NBPF14: variants seen among roughly 807,000 people sequenced by gnomAD.
NBPF14 encodes the protein NBPF family member NBPF14.
NBPF14 carries 104 observed loss-of-function variants against 91.2 expected under a neutral mutation model. That is an observed-to-expected ratio of 1.14 (90% CI 0.97 to 1.34). The LOEUF (loss-of-function observed/expected upper bound fraction) is 1.34. Ranked by LOEUF, NBPF14 falls within the 40% of genes most tolerant of loss-of-function variation. The pLI, the probability that NBPF14 is intolerant of heterozygous loss-of-function variation, is 0.00. For missense variants in NBPF14, 908 were observed against 783.0 expected (o/e 1.16, Z -1.91); for synonymous variants, 294 against 303.8 (o/e 0.97, Z 0.34).
chr1:148,550,033 C>T (rs1370660393), intron 49 of NBPF14, among the ~76,000 whole-genome samples: 175 of 124,620 alleles, frequency 1.4e-3, no homozygotes, highest in African/African-American at 6.2e-3. Flanking sequence ...GGATTTTACA[C>T]GCTGAAATTA....
chr1:148,533,091 C>T (rs201098010), exon 71 of NBPF14: 121 of 936,666 alleles, frequency 1.3e-4, no homozygotes, highest in Admixed American at 2.1e-4. Flanking sequence ...ACGTAAAGGG[C>T]GAAGCTGATG....
chr1:148,595,168 A>C (rs2149591168), intron 2 of NBPF14, among the ~76,000 whole-genome samples: 1 of 146,774 alleles, frequency 6.8e-6, no homozygotes, highest in Non-Finnish European at 1.5e-5. Flanking sequence ...ACTGAATAAA[A>C]GTTCACTAGT....
rs1283502749 is a variant in NBPF14, at chr1:148,534,761, G to C, written c.8537C>G (p.Pro2846Arg). The C allele has an allele frequency of 5.9e-3, 4,850 of 821,938 alleles. 43 individuals are homozygous for C. Among genetic ancestry groups the C allele is most frequent in the Non-Finnish European group, 8.1e-3 (3,794 of 466,696 alleles). 50.9% of individuals were successfully genotyped at this position (821,938 alleles called of 1,614,324 possible). A position where few individuals can be genotyped will look rare whatever the true frequency, so the allele number is the denominator to read the frequency against. ...ACTGCTGTAGGGCTGGCCTAAGTCAGGCAGTTCAAGATAACCTGAAGGAGT... is the reference window on the plus strand; with the variant it reads ...ACTGCTGTAGGGCTGGCCTAAGTCACGCAGTTCAAGATAACCTGAAGGAGT... The change falls in exon 69 of 71, where the codon CCT becomes CGT. Residue 2846 changes from proline to arginine, a missense_variant. This residue lies in a region of NBPF14 where 279 missense variants were observed against 107.7 expected (regional missense o/e 2.59). Transcript: ENST00000619423.
intron 16 of NBPF14, 110 bp from the exon 17 acceptor site, chr1:148,575,921 G>A: frequency 2.6e-6 from 1 of 384,770 alleles, no homozygotes; most frequent in Non-Finnish European, 4.6e-6. Flanking sequence ...AAAAAGGACA[G>A]ATCCATTAAT....
intron 36 of NBPF14, among the ~76,000 whole-genome samples, chr1:148,560,273 T>G (rs1657586155): frequency 1.4e-5 from 2 of 145,266 alleles, no homozygotes; most frequent in African/African-American, 5.4e-5. Flanking sequence ...AGTGCCCTCA[T>G]GACACACAGC....
chr1:148,588,277 C>A (rs1241003671), intron 7 of NBPF14, among the ~76,000 whole-genome samples: 5 of 116,260 alleles, frequency 4.3e-5, no homozygotes, highest in African/African-American at 9.5e-5. Flanking sequence ...CTCTGTGCCC[C>A]AGGAAGCAGG....
chr1:148,594,923 G>C (rs1272411820), intron 2 of NBPF14, among the ~76,000 whole-genome samples: 2 of 111,536 alleles, frequency 1.8e-5, no homozygotes, highest in South Asian at 3.3e-4. Context: ...GTCTCAAACT[G>C]CTGACCTCGT....
chr1:148,560,015 A>G (rs1657443461), intron 36 of NBPF14, 50 bp from the exon 37 acceptor site: 1 of 755,114 alleles, frequency 1.3e-6, no homozygotes, highest in Admixed American at 1.9e-5. Flanking sequence ...ATCAGAAACC[A>G]CACAGCCCCA....
At chr1:148,591,170 C>T (rs1173849337) in intron 5 of NBPF14, among the ~76,000 whole-genome samples, 3 of 146,706 alleles carry the variant, frequency 2.0e-5, no homozygotes, top group Non-Finnish European at 4.6e-5. Flanking sequence ...AGGAAGAGAG[C>T]AGCTGGTGTT....
At chr1:148,534,416 G>C (rs1481676421) in intron 69 of NBPF14, among the ~76,000 whole-genome samples, 8 of 151,878 alleles carry the variant, frequency 5.3e-5, no homozygotes, top group South Asian at 2.1e-4. Flanking sequence ...CTCTGAATTT[G>C]TCACATCTGC....
intron 68 of NBPF14, 99 bp downstream of exon 68, chr1:148,535,354 T>C (rs2149475329): frequency 1.7e-6 from 1 of 574,480 alleles, no homozygotes; most frequent in East Asian, 3.1e-5. Flanking sequence ...AATTCAACCT[T>C]CGCTGAAAAC....
At chr1:148,585,401 C>G (rs1375075426) in intron 9 of NBPF14, among the ~76,000 whole-genome samples, 188 bp from the exon 10 acceptor site, 27 of 152,008 alleles carry the variant, frequency 1.8e-4, no homozygotes, top group African/African-American at 6.3e-4. Context: ...CATTTCTGAT[C>G]TGGAGGGCCA....
chr1:148,566,585 G>C (rs1205563946), intron 28 of NBPF14, among the ~76,000 whole-genome samples: 2 of 142,210 alleles, frequency 1.4e-5, no homozygotes, highest in Non-Finnish European at 3.1e-5. Flanking sequence ...GAATTGTCCA[G>C]GTGACACACT....
chr1:148,539,183 G>C (rs61802100), intron 63 of NBPF14, among the ~76,000 whole-genome samples: 1 of 69,784 alleles, frequency 1.4e-5, no homozygotes, highest in Non-Finnish European at 2.6e-5. Flanking sequence ...GCGGGCTCAG[G>C]TTGCCACAGG....
chr1:148,593,463 T>G (rs1553797794), intron 3 of NBPF14, 135 bp downstream of exon 3: 270,397 of 631,292 alleles, frequency 0.43, 81,910 homozygotes, highest in African/African-American at 0.86. Flanking sequence ...ATAAATATTT[T>G]TGTGTCATGA....
intron 68 of NBPF14, among the ~76,000 whole-genome samples, 199 bp downstream of exon 68, chr1:148,535,254 C>A (rs1446573709): frequency 1.3e-5 from 2 of 150,678 alleles, no homozygotes; most frequent in African/African-American, 4.9e-5. Flanking sequence ...TATGGTCAAC[C>A]TACAGTAAGT....
chr1:148,584,086 T>G (rs1315546054), intron 11 of NBPF14, among the ~76,000 whole-genome samples: 1 of 151,190 alleles, frequency 6.6e-6, no homozygotes, highest in Non-Finnish European at 1.5e-5. Context: ...GGGAACGATA[T>G]TTCCAAATAC....
chr1:148,578,158 G>A, intron 13 of NBPF14, 124 bp from the exon 14 acceptor site: 1 of 751,150 alleles, frequency 1.3e-6, no homozygotes, highest in Non-Finnish European at 2.4e-6. Flanking sequence ...GACTTTGAGA[G>A]AAATATTCCA....
At position 148,577,964 on chromosome 1, in the gene NBPF14, C is replaced by T; in HGVS notation, c.1853+19G>A. On this transcript the variant is annotated intron_variant, in intron 14 of 70. Transcript: ENST00000619423. The stretch of plus-strand genomic sequence containing the variant: ...AGGTGTCAACATCAAATTAACTGTC[C>T]ACAATTTCTCAGACTCACCTGGGAC... The T allele has an allele frequency of 1.7e-6, 1 of 605,330 alleles. No homozygotes were observed. 37.5% of individuals were successfully genotyped at this position (605,330 alleles called of 1,614,324 possible).
Sources: allele counts gnomAD v4.1 joint callset (sites outside exome capture counted in the v4.1 genomes callset), GRCh38; gene constraint gnomAD v4.1.1; regional missense constraint gnomAD v4.1.1; transcripts MANE v1.5; gene names NCBI Gene and HGNC (gene_info 2026-07-23, HGNC 2026-07-21).